RIMS1: variants seen among roughly 807,000 people sequenced by gnomAD.
RIMS1 encodes regulating synaptic membrane exocytosis protein 1.
A neutral mutation model predicts 214.1 loss-of-function variants in RIMS1; 83 were observed. That is an observed-to-expected ratio of 0.39 (90% CI 0.32 to 0.47). RIMS1 has a LOEUF of 0.47. Ranked by LOEUF, RIMS1 falls within the 20% of genes least tolerant of loss-of-function variation. The pLI is 0.99. For missense variants in RIMS1, 2,050 were observed against 2,161.8 expected, an observed-to-expected ratio of 0.95 and a Z score of 1.03; for synonymous variants, 793 against 786.8, an observed-to-expected ratio of 1.01 and a Z score of -0.13.
rs1471565757 is a variant in RIMS1 at position 72,401,759 on chromosome 6, T to A, written c.*1045T>A. ...CCCAGGCTTCTCAGCCATACCTCAG[T>A]GTAGACACATCCATCTGCCCTGGAA... On this transcript the variant is annotated 3_prime_UTR_variant, in exon 34 of 34. Coordinates refer to ENST00000521978, the MANE Select transcript of RIMS1 (RefSeq NM_014989.7). The A allele has an allele frequency of 6.5e-6, 1 of 152,674 alleles. No individual in the cohort carries two copies. The highest frequency in any genetic ancestry group is 1.5e-5 in the Non-Finnish European group (1 of 68,050). 9.5% of individuals were successfully genotyped at this position (152,674 alleles called of 1,614,324 possible).
intron 2 of RIMS1, among the ~76,000 whole-genome samples, chr6:71,995,451 C>CGTGTGT (rs59174738): frequency 0.16 from 22,853 of 144,328 alleles, 1,895 homozygotes; most frequent in African/African-American, 0.18. Flanking sequence ...TGTAATATGA[C>CGTGTGT]GTGTGTGTGT....
intron 2 of RIMS1, among the ~76,000 whole-genome samples, chr6:72,090,151 C>A (rs1431235536): frequency 6.6e-6 from 1 of 151,878 alleles, no homozygotes; most frequent in Non-Finnish European, 1.5e-5. Context: ...GCACATGTAC[C>A]CTAAAACTTA....
At chr6:72,223,480 T>C (rs987520409) in intron 6 of RIMS1, among the ~76,000 whole-genome samples, 2 of 152,146 alleles carry the variant, frequency 1.3e-5, no homozygotes, top group Admixed American at 1.3e-4. Context: ...TCAAAAGTGA[T>C]TTACAGTAGC....
chr6:72,264,451 T>C (rs781311333), intron 19 of RIMS1, among the ~76,000 whole-genome samples: 1 of 152,176 alleles, frequency 6.6e-6, no homozygotes, highest in African/African-American at 2.4e-5. Flanking sequence ...AAGAGCTTGC[T>C]CCTTTGCAAT....
chr6:72,308,031 A>G (rs1241546475), intron 27 of RIMS1, among the ~76,000 whole-genome samples: 2 of 152,272 alleles, frequency 1.3e-5, no homozygotes, highest in Admixed American at 1.3e-4. Context: ...ATATTAAGGT[A>G]TATATTTATA....
chr6:72,183,201 G>C, intron 6 of RIMS1, 52 bp downstream of exon 6: 1 of 1,552,976 alleles, frequency 6.4e-7, no homozygotes, highest in Non-Finnish European at 8.7e-7. Context: ...GAAGAGGCGT[G>C]GGCAGAGGTG....
intron 29 of RIMS1, among the ~76,000 whole-genome samples, chr6:72,369,429 A>G (rs1211100906): frequency 6.6e-6 from 1 of 152,092 alleles, no homozygotes; most frequent in Non-Finnish European, 1.5e-5. Context: ...ATATTAAAAG[A>G]TGTGTTACAA....
In RIMS1 at chr6:72,350,790, T is replaced by C. The variant is rs117942803; in HGVS notation, c.4366+16955T>C. Reference sequence around the variant, plus strand: ...TCAACAGGCAAAGAGAGATTCTTTCTTTATAGAACTTTAGCTTTTACAAAG... The same window carrying C: ...TCAACAGGCAAAGAGAGATTCTTTCCTTATAGAACTTTAGCTTTTACAAAG... On this transcript the variant is annotated intron_variant, in intron 29 of 33. Coordinates refer to ENST00000521978, the MANE Select transcript of RIMS1 (RefSeq NM_014989.7). Among the ~76,000 whole-genome samples the C allele has an allele frequency of 9.2e-3, 1,407 of 152,242 alleles. 9 individuals carry two copies. The highest frequency in any genetic ancestry group is 0.015 in the Non-Finnish European group (1,016 of 68,018).
chr6:71,917,142 G>T (rs528427694), intron 1 of RIMS1, among the ~76,000 whole-genome samples: 3 of 152,090 alleles, frequency 2.0e-5, no homozygotes, highest in Non-Finnish European at 4.4e-5. Flanking sequence ...TCGTAGGGTT[G>T]TTTTAAGATT....
chr6:72,317,014 A>T, intron 28 of RIMS1: 2 of 438,632 alleles, frequency 4.6e-6, no homozygotes, highest in Admixed American at 2.6e-5. Context: ...CTCCCCCTCC[A>T]TTCTTATGGG....
At chr6:72,230,331 G>C (rs2061549226) in intron 6 of RIMS1, among the ~76,000 whole-genome samples, 1 of 151,598 alleles carries the variant, frequency 6.6e-6, no homozygotes, top group Non-Finnish European at 1.5e-5. Flanking sequence ...TAGTCAAGAA[G>C]TTCAAATTTT....
At chr6:71,938,341 G>T (rs1418912854) in intron 1 of RIMS1, among the ~76,000 whole-genome samples, 1 of 152,184 alleles carries the variant, frequency 6.6e-6, no homozygotes, top group Non-Finnish European at 1.5e-5. Context: ...CCCTTGTGGG[G>T]ACTCTGTGGC....
In RIMS1 at chr6:71,951,492, T is replaced by TTTTTTG. The variant is rs1162341760; in HGVS notation, c.165-17490_165-17489insTTTTGT. ...CTTTTCTTTTTCTTTTTTTTTTTTT[T>TTTTTTG]TGTGTGTGTGTGTGTGTGACAGAGT... On this transcript the variant is annotated intron_variant, in intron 1 of 33. Transcript: ENST00000521978. 9.3e-3 allele frequency among the ~76,000 whole-genome samples: 1,089 copies of TTTTTTG among 117,462 alleles called. 10 individuals carry two copies. The highest frequency in any genetic ancestry group is 0.037 in the African/African-American group (1,001 of 26,840). 77.1% of individuals were successfully genotyped at this position (117,462 alleles called of 152,430 possible).
At chr6:72,059,005 A>T (rs912499561) in intron 2 of RIMS1, among the ~76,000 whole-genome samples, 2 of 152,192 alleles carry the variant, frequency 1.3e-5, no homozygotes, top group Non-Finnish European at 2.9e-5. Flanking sequence ...ACTCATTTAA[A>T]CATATTAATA....
chr6:72,132,942 A>C (rs182726966), intron 4 of RIMS1, among the ~76,000 whole-genome samples: 5 of 152,130 alleles, frequency 3.3e-5, no homozygotes, highest in African/African-American at 1.2e-4. Flanking sequence ...TGTGTGTAAA[A>C]TATCCATATG....
intron 8 of RIMS1, among the ~76,000 whole-genome samples, chr6:72,236,054 T>A (rs943677578): frequency 2.6e-5 from 4 of 152,110 alleles, no homozygotes; most frequent in Admixed American, 6.6e-5. Flanking sequence ...AAGAATTTTT[T>A]AAAAATTAAT....
At chr6:72,218,348 TA>T (rs1443334863) in intron 6 of RIMS1, among the ~76,000 whole-genome samples, 1 of 152,118 alleles carries the variant, frequency 6.6e-6, no homozygotes, top group Non-Finnish European at 1.5e-5. Flanking sequence ...GTTCAGTGTG[TA>T]TTGCTGAGGG....
At chr6:72,044,319 T>C (rs1378841217) in intron 2 of RIMS1, among the ~76,000 whole-genome samples, 2 of 151,768 alleles carry the variant, frequency 1.3e-5, no homozygotes, top group Non-Finnish European at 2.9e-5. Flanking sequence ...TTTTTGTCTT[T>C]TAATTGGGTG....
chr6:72,224,834 C>A (rs530500542), intron 6 of RIMS1, among the ~76,000 whole-genome samples: 1 of 152,246 alleles, frequency 6.6e-6, no homozygotes, highest in Admixed American at 6.5e-5. Context: ...TAAAGCTTGA[C>A]CAGTTTTTCA....
Sources: allele counts gnomAD v4.1 joint callset (sites outside exome capture counted in the v4.1 genomes callset), GRCh38; gene constraint gnomAD v4.1.1; transcripts MANE v1.5; gene names NCBI Gene and HGNC (gene_info 2026-07-23, HGNC 2026-07-21).